SLC35F1: variants seen among roughly 807,000 people sequenced by gnomAD.
The protein encoded by SLC35F1 is chromosome 6 open reading frame 169.
A neutral mutation model predicts 48.7 loss-of-function variants in SLC35F1; 14 were observed. The ratio of observed to expected loss-of-function variants is 0.29; its 90% CI spans 0.19 to 0.45. The LOEUF (loss-of-function observed/expected upper bound fraction) is 0.45, where lower values mean the gene tolerates loss of function less well. Among genes scored for constraint, SLC35F1 ranks in the 20% least tolerant of loss-of-function variants. The pLI is 1.00. For missense variants in SLC35F1, 404 were observed against 500.0 expected, an observed-to-expected ratio of 0.81 and a Z score of 1.83; for synonymous variants, 190 against 202.2, an observed-to-expected ratio of 0.94 and a Z score of 0.51.
chr6:118,020,102 C>A (rs1777374767), intron 1 of SLC35F1, among the ~76,000 whole-genome samples: 1 of 152,142 alleles, frequency 6.6e-6, no homozygotes, highest in Non-Finnish European at 1.5e-5. Flanking sequence ...TATCATGGAA[C>A]TAATTCACCA....
intron 1 of SLC35F1, among the ~76,000 whole-genome samples, chr6:118,068,490 T>C (rs1772650605): frequency 6.6e-6 from 1 of 152,188 alleles, no homozygotes; most frequent in Non-Finnish European, 1.5e-5. Context: ...TAATCCCAGC[T>C]GGAGGAAACA....
rs556902086 is a variant in SLC35F1 at position 118,308,063 on chromosome 6, C to T, written c.1003-5965C>T. Reference sequence around the variant, plus strand: ...TTTAATTCACATATAAAGTGGGACTCCCCTTTTAGTTATTCTTCACTATAG... The same window carrying T: ...TTTAATTCACATATAAAGTGGGACTTCCCTTTTAGTTATTCTTCACTATAG... On this transcript the variant is annotated intron_variant, in intron 7 of 7. Transcript: ENST00000360388. Among the ~76,000 whole-genome samples the T allele has an allele frequency of 9.5e-4, 145 of 152,294 alleles. 3 individuals carry two copies. Among genetic ancestry groups the T allele is most frequent in the Non-Finnish European group, 1.0e-3 (70 of 68,032 alleles).
At chr6:118,133,207 T>G (rs1773742868) in intron 1 of SLC35F1, among the ~76,000 whole-genome samples, 1 of 152,148 alleles carries the variant, frequency 6.6e-6, no homozygotes, top group South Asian at 2.1e-4. Flanking sequence ...GAGGATCTTG[T>G]CCACAGAGCT....
In SLC35F1 at chr6:117,989,453, A is replaced by G. The variant is rs1582603210; in HGVS notation, c.173+81554A>G. Among the ~76,000 whole-genome samples the G allele has an allele frequency of 4.6e-5, 7 of 152,242 alleles. No individual in the cohort carries two copies. The South Asian group carries it at 1.4e-3, about 32-fold the overall frequency. On this transcript the variant is annotated intron_variant, in intron 1 of 7. Transcript: ENST00000360388. ...TCTGGGAGAAAAGACCTCCTACTCA[A>G]AATAATTTTTGGTCCGATTGTCCTA...
At chr6:118,296,032 G>A (rs1582775592) in intron 7 of SLC35F1, among the ~76,000 whole-genome samples, 1 of 152,150 alleles carries the variant, frequency 6.6e-6, no homozygotes, top group East Asian at 1.9e-4. Flanking sequence ...GCATTTCCAT[G>A]CAGCCATTCA....
intron 1 of SLC35F1, among the ~76,000 whole-genome samples, chr6:118,140,456 C>T (rs2152076): frequency 0.48 from 72,262 of 151,972 alleles, 18,459 homozygotes; most frequent in Middle Eastern, 0.62. Flanking sequence ...TGCTGGCAGT[C>T]GTACAAAAGT....
At chr6:118,002,019 CA>C (rs1483514047) in intron 1 of SLC35F1, among the ~76,000 whole-genome samples, 18 of 146,072 alleles carry the variant, frequency 1.2e-4, no homozygotes. Context: ...TAAACTAGTT[CA>C]ACCATTGTGG....
chr6:117,971,642 A>AAAC (rs1480169741), intron 1 of SLC35F1, among the ~76,000 whole-genome samples: 2 of 152,268 alleles, frequency 1.3e-5, no homozygotes, highest in Non-Finnish European at 2.9e-5. Flanking sequence ...GAAGGTTCCC[A>AAAC]AACCTCAGTT....
chr6:118,159,346 A>G (rs1290520808), intron 2 of SLC35F1, among the ~76,000 whole-genome samples: 1 of 152,068 alleles, frequency 6.6e-6, no homozygotes, highest in Non-Finnish European at 1.5e-5. Flanking sequence ...GAAGTTTGAG[A>G]ATTTAGGTAA....
At chr6:117,990,669 G>A (rs1223551548) in intron 1 of SLC35F1, among the ~76,000 whole-genome samples, 1 of 152,166 alleles carries the variant, frequency 6.6e-6, no homozygotes, top group East Asian at 1.9e-4. Flanking sequence ...ACTGAGTCCT[G>A]TGCTAGGTAT....
chr6:118,014,045 C>A (rs866631434), intron 1 of SLC35F1, among the ~76,000 whole-genome samples: 1 of 152,148 alleles, frequency 6.6e-6, no homozygotes, highest in African/African-American at 2.4e-5. Flanking sequence ...AAAAGGACAG[C>A]TTTTGCATCA....
At chr6:118,147,200 T>C (rs768123750) in intron 1 of SLC35F1, among the ~76,000 whole-genome samples, 3 of 152,124 alleles carry the variant, frequency 2.0e-5, no homozygotes, top group Non-Finnish European at 4.4e-5. Flanking sequence ...AGAATGTGTC[T>C]GTCTGCTAGA....
intron 7 of SLC35F1, among the ~76,000 whole-genome samples, chr6:118,290,793 C>G (rs1264343663): frequency 9.1e-6 from 1 of 110,170 alleles, no homozygotes; most frequent in Non-Finnish European, 2.0e-5. Context: ...CTCAGAAAAT[C>G]GACTATTTTT....
chr6:117,984,672 A>G (rs1436066392), intron 1 of SLC35F1, among the ~76,000 whole-genome samples: 2 of 152,110 alleles, frequency 1.3e-5, no homozygotes. Context: ...GAAAAGCTTA[A>G]AATATTTACT....
At chr6:118,269,042 T>G (rs2114623349) in intron 4 of SLC35F1, among the ~76,000 whole-genome samples, 1 of 152,350 alleles carries the variant, frequency 6.6e-6, no homozygotes, top group South Asian at 2.1e-4. Context: ...GCCATCATCT[T>G]GCATTCGATA....
At chr6:118,002,609 TA>T (rs1777118309) in intron 1 of SLC35F1, among the ~76,000 whole-genome samples, 1 of 151,738 alleles carries the variant, frequency 6.6e-6, no homozygotes, top group African/African-American at 2.4e-5. Context: ...ATAATAATAA[TA>T]AAATTTAAAA....
intron 2 of SLC35F1, among the ~76,000 whole-genome samples, chr6:118,170,411 A>G (rs1311491867): frequency 6.6e-6 from 1 of 152,174 alleles, no homozygotes; most frequent in Non-Finnish European, 1.5e-5. Context: ...CTCTGAGACT[A>G]TATTTGAGGT....
intron 1 of SLC35F1, among the ~76,000 whole-genome samples, chr6:118,104,077 C>G (rs115628817): frequency 4.4e-4 from 66 of 151,592 alleles, no homozygotes; most frequent in Non-Finnish European, 7.5e-4. Flanking sequence ...GGTTTTTCTT[C>G]TTCCTTCATT....
chr6:117,958,266 T>C (rs1167980819), intron 1 of SLC35F1, among the ~76,000 whole-genome samples: 1 of 151,674 alleles, frequency 6.6e-6, no homozygotes, highest in African/African-American at 2.4e-5. Context: ...CACAAAAGAG[T>C]CAAAAAGTTA....
Sources: gnomAD v4.1 joint callset for allele counts (sites outside exome capture counted in the v4.1 genomes callset) on GRCh38, gnomAD v4.1.1 for gene constraint, MANE v1.5 for transcripts, NCBI Gene and HGNC (gene_info 2026-07-23, HGNC 2026-07-21) for gene names.